The following DNAJC3 variants were observed in gnomAD, a reference collection of about 807,000 sequenced individuals.
DNAJC3 encodes dnaJ homolog subfamily C member 3.
In DNAJC3, 38 loss-of-function variants were observed where a neutral mutation model predicts 68.6. The observed-to-expected ratio is 0.55, with a 90% CI of 0.43 to 0.73. The LOEUF is 0.73. DNAJC3 is among the 30% of genes least tolerant of loss of function. The pLI, the probability that DNAJC3 is intolerant of heterozygous loss-of-function variation, is 0.00. For missense variants in DNAJC3, 526 were observed against 591.9 expected (o/e 0.89, Z 1.16); for synonymous variants, 203 against 204.0 (o/e 1.00, Z 0.04).
chr13:95,726,640 GT>G (rs1177359677), intron 4 of DNAJC3, among the ~76,000 whole-genome samples: 1 of 152,076 alleles, frequency 6.6e-6, no homozygotes, highest in Non-Finnish European at 1.5e-5. Flanking sequence ...ATTGAAGGGG[GT>G]ATATACTAAA....
intron 2 of DNAJC3, among the ~76,000 whole-genome samples, chr13:95,710,162 G>GT (rs1880909892): frequency 6.6e-6 from 1 of 151,918 alleles, no homozygotes; most frequent in Non-Finnish European, 1.5e-5. Flanking sequence ...TGTTAGGACT[G>GT]TAAGAAGTGA....
At chr13:95,679,383 C>T (rs908072959) in intron 1 of DNAJC3, among the ~76,000 whole-genome samples, 15 of 151,928 alleles carry the variant, frequency 9.9e-5, no homozygotes, top group African/African-American at 3.6e-4. Flanking sequence ...TTTTGCGTTT[C>T]TAGAAAGACC....
chr13:95,720,764 G>A (rs1452156604), intron 2 of DNAJC3, among the ~76,000 whole-genome samples: 1 of 152,102 alleles, frequency 6.6e-6, no homozygotes, highest in Non-Finnish European at 1.5e-5. Flanking sequence ...AAATGTTAGT[G>A]ACGCTTAGCT....
chr13:95,696,871 G>C (rs966014322), intron 1 of DNAJC3, among the ~76,000 whole-genome samples: 5 of 152,004 alleles, frequency 3.3e-5, no homozygotes, highest in African/African-American at 7.2e-5. Context: ...TCAGCCTCCT[G>C]AGTAGCTGGG....
intron 9 of DNAJC3, among the ~76,000 whole-genome samples, chr13:95,773,083 A>ATCTTGG (rs1273192192): frequency 4.2e-5 from 6 of 142,576 alleles, no homozygotes; most frequent in African/African-American, 1.6e-4. Context: ...CAGTAAAACC[A>ATCTTGG]TCTTGGTCTT....
intron 1 of DNAJC3, among the ~76,000 whole-genome samples, chr13:95,692,092 G>T (rs930262054): frequency 1.0e-4 from 15 of 147,010 alleles, no homozygotes; most frequent in African/African-American, 4.1e-4. Flanking sequence ...GAGGGAGACC[G>T]TGGAAAGAGA....
At chr13:95,733,643 G>A (rs374873304) in intron 4 of DNAJC3, among the ~76,000 whole-genome samples, 8 of 150,026 alleles carry the variant, frequency 5.3e-5, no homozygotes, top group East Asian at 3.9e-4. Context: ...CAGGTGATCT[G>A]CCTGCCCTGG....
At chr13:95,772,361 C>CT (rs757550808) in intron 9 of DNAJC3, among the ~76,000 whole-genome samples, 9 of 151,782 alleles carry the variant, frequency 5.9e-5, no homozygotes, top group Non-Finnish European at 1.0e-4. Context: ...TTCTAACGGG[C>CT]TTTTTTTTAG....
intron 4 of DNAJC3, among the ~76,000 whole-genome samples, chr13:95,739,596 T>G (rs1053211946): frequency 3.3e-5 from 5 of 152,238 alleles, no homozygotes; most frequent in Non-Finnish European, 5.9e-5. Context: ...GCTGATACCC[T>G]TTCTTCCAGT....
chr13:95,776,205 A>G (rs1257647586), intron 9 of DNAJC3, among the ~76,000 whole-genome samples: 3 of 152,148 alleles, frequency 2.0e-5, no homozygotes, highest in Non-Finnish European at 2.9e-5. Flanking sequence ...TCAAAAAGTG[A>G]TATGAATGCG....
At chr13:95,684,815 A>G (rs1880027774) in intron 1 of DNAJC3, among the ~76,000 whole-genome samples, 1 of 152,260 alleles carries the variant, frequency 6.6e-6, no homozygotes, top group South Asian at 2.1e-4. Flanking sequence ...AGGCCTTCAG[A>G]CGGTGCCAGC....
At chr13:95,738,984 G>C (rs9525045) in intron 4 of DNAJC3, among the ~76,000 whole-genome samples, 1 of 152,110 alleles carries the variant, frequency 6.6e-6, no homozygotes, top group South Asian at 2.1e-4. Flanking sequence ...TCCATGTTTA[G>C]TGCTTCCTTC....
In DNAJC3 at chr13:95,726,073, G is replaced by A. The variant is rs17884968; in HGVS notation, c.393+821G>A. ...CCACATTTTCTTAATCCAGTCTATCGTTGTTGGACATTTGGGTTGGTTCCA... is the reference window on the plus strand; with the variant it reads ...CCACATTTTCTTAATCCAGTCTATCATTGTTGGACATTTGGGTTGGTTCCA... On this transcript the variant is annotated intron_variant, in intron 4 of 11. Transcript: ENST00000602402. Among the ~76,000 whole-genome samples the A allele has an allele frequency of 5.3e-4, 81 of 151,676 alleles. 1 individual carries two copies. In the South Asian group the frequency reaches 9.8e-3, roughly 18 times the overall value.
At chr13:95,730,801 G>A (rs1039478655) in intron 4 of DNAJC3, among the ~76,000 whole-genome samples, 1 of 152,032 alleles carries the variant, frequency 6.6e-6, no homozygotes, top group Admixed American at 6.6e-5. Context: ...CTCTGTTTTG[G>A]TTTCATATGA....
intron 1 of DNAJC3, chr13:95,693,509 T>C (rs1880340365): frequency 6.6e-6 from 1 of 152,158 alleles, no homozygotes; most frequent in Admixed American, 6.5e-5. Context: ...AGGCAGTATC[T>C]TCACTGGATT....
chr13:95,682,371 G>A (rs993802351), intron 1 of DNAJC3, among the ~76,000 whole-genome samples: 2 of 151,884 alleles, frequency 1.3e-5, no homozygotes, highest in Non-Finnish European at 2.9e-5. Context: ...GTCTGCCACC[G>A]CCTTTGCTTG....
At chr13:95,743,678 C>T (rs112810424) in intron 4 of DNAJC3, among the ~76,000 whole-genome samples, 2,590 of 152,204 alleles carry the variant, frequency 0.017, 80 homozygotes, top group African/African-American at 0.059. Flanking sequence ...CTGTCTCAGT[C>T]TCCCTAGTGG....
At chr13:95,691,203 C>CA (rs1490199686) in intron 1 of DNAJC3, among the ~76,000 whole-genome samples, 5 of 151,754 alleles carry the variant, frequency 3.3e-5, no homozygotes, top group Admixed American at 2.6e-4. Flanking sequence ...CTGACCCCCC[C>CA]ACCTCCCTCC....
chr13:95,790,271 C>G (rs1286800974), intron 11 of DNAJC3, among the ~76,000 whole-genome samples: 5 of 152,188 alleles, frequency 3.3e-5, no homozygotes. Context: ...CCTATCCCTG[C>G]AATATTCCTC....
Sources: allele counts gnomAD v4.1 joint callset (sites outside exome capture counted in the v4.1 genomes callset), GRCh38; gene constraint gnomAD v4.1.1; transcripts MANE v1.5; gene names NCBI Gene and HGNC (gene_info 2026-07-23, HGNC 2026-07-21).